NPAT: variants seen among roughly 807,000 people sequenced by gnomAD.
NPAT encodes the protein nuclear protein, coactivator of histone transcription, also known as protein NPAT.
A neutral mutation model predicts 130.7 loss-of-function variants in NPAT; 52 were observed. The observed-to-expected ratio is 0.40, with a 90% CI of 0.32 to 0.50. The LOEUF (loss-of-function observed/expected upper bound fraction) is 0.50, where lower values mean the gene tolerates loss of function less well. NPAT is among the 20% of genes least tolerant of loss of function. NPAT has a pLI of 0.68. For missense variants in NPAT, 1,687 were observed against 1,662.6 expected (o/e 1.01, Z -0.26); for synonymous variants, 580 against 584.8 (o/e 0.99, Z 0.12).
chr11:108,194,004 T>C lies in NPAT; in HGVS notation c.170A>G (p.Lys57Arg), dbSNP rs372699832. 278 of 1,548,352 alleles carry C rather than the reference T, an allele frequency of 1.8e-4. 1 individual carries two copies. The Admixed American group carries it at 4.3e-3, about 24-fold the overall frequency. The change falls in exon 3 of 18, where the codon AAA becomes AGA. Residue 57 changes from lysine to arginine, a missense_variant. Coordinates refer to ENST00000278612, the MANE Select transcript of NPAT (RefSeq NM_002519.3). ...CTCATTTAAAATTGTTGTCAAGTTT[T>C]TTCCAAATAAGGACTGAAAAGAAAA... ...IPACLLSLFGKNLTTILNEYV... is the reference protein window; with the variant it reads ...IPACLLSLFGRNLTTILNEYV...
Position 108,161,926 on chromosome 11 carries a change from G to C in NPAT, c.3160C>G (p.Pro1054Ala). Residue 1054 changes from proline to alanine, a missense_variant, in exon 17 of 18, where the codon CCA becomes GCA. Pro to Ala is a conservative substitution (Grantham distance 27, BLOSUM62 -1). Around this residue, in one of 3 missense-constraint regions of NPAT, gnomAD observed 1,379 missense variants for 1,346.6 expected, o/e 1.02. Transcript: ENST00000278612. ...TVPFPEESIV[P>A]AAKPCHRRVL... ...CGTCTGTGGCATGGTTTAGCAGCTG[G>C]AACTATACTCTCTTCTGGGAAGGGA... is the stretch of plus-strand genomic sequence containing the variant. 1 of 1,609,546 alleles carries C rather than the reference G, an allele frequency of 6.2e-7. No individual in the cohort carries two copies. Among genetic ancestry groups the C allele is most frequent in the Non-Finnish European group, 8.5e-7 (1 of 1,177,744 alleles).
At chr11:108,194,126 G>T in intron 2 of NPAT, 109 bp from the exon 3 acceptor site, 1 of 675,058 alleles carries the variant, frequency 1.5e-6, no homozygotes, top group Non-Finnish European at 2.7e-6. Flanking sequence ...CTGCAGAGTA[G>T]CGATGAGGAA....
Position 108,158,925 on chromosome 11 carries a change from T to C in NPAT, c.*17A>G. The C allele has an allele frequency of 2.7e-6, 4 of 1,491,926 alleles. No homozygotes were observed. Among genetic ancestry groups the C allele is most frequent in the Non-Finnish European group, 3.7e-6 (4 of 1,071,456 alleles). 92.4% of individuals were successfully genotyped at this position (1,491,926 alleles called of 1,614,324 possible). On this transcript the variant is annotated 3_prime_UTR_variant, in exon 18 of 18. Transcript: ENST00000278612. ...TATGAGTTTTTAACACCTACTGTTC[T>C]TATGTGTCCAGAATGTTTACTCATC...
rs867936260 is a variant in NPAT, at chr11:108,189,731, G to A, written c.332-401C>T. 6.3e-4 allele frequency among the ~76,000 whole-genome samples: 95 copies of A among 151,498 alleles called. 1 individual carries two copies. The highest frequency in any genetic ancestry group is 6.8e-3 in the Middle Eastern group (2 of 294). On this transcript the variant is annotated intron_variant, in intron 5 of 17. Transcript: ENST00000278612. Reference sequence around the variant, plus strand: ...TAAAAATACAAAAAATTAGCCGGGCGTGGTAGCGGGCGCCTGTAGTCCCAG... The same window carrying A: ...TAAAAATACAAAAAATTAGCCGGGCATGGTAGCGGGCGCCTGTAGTCCCAG...
At chr11:108,187,756 G>T (rs537941189) in intron 7 of NPAT, among the ~76,000 whole-genome samples, 1 of 151,454 alleles carries the variant, frequency 6.6e-6, no homozygotes, top group South Asian at 2.1e-4. Context: ...TTAAATGTGT[G>T]TGGAGCATAG....
chr11:108,172,291 G>A lies in NPAT; in HGVS notation c.2693C>T (p.Thr898Ile). 5 of 1,614,172 alleles carry A rather than the reference G, an allele frequency of 3.1e-6. No homozygotes were observed. In the South Asian group the frequency reaches 5.5e-5, roughly 18 times the overall value. ...TAACTGAGGTGGTAGAGGTTGAGCAGTCATAGGTGCAGAATTTCCAGGCAA... is the reference window on the plus strand; with the variant it reads ...TAACTGAGGTGGTAGAGGTTGAGCAATCATAGGTGCAGAATTTCCAGGCAA... ...VVLPGNSAPMTAQPLPPQLQT... is the reference protein window; with the variant it reads ...VVLPGNSAPMIAQPLPPQLQT... Residue 898 changes from threonine to isoleucine, a missense_variant, in exon 13 of 18, where the codon ACT becomes ATT. By Grantham distance (89) the Thr-to-Ile change is moderately conservative (BLOSUM62 -1). Transcript: ENST00000278612.
At chr11:108,185,009 T>C (rs12291829) in intron 10 of NPAT, among the ~76,000 whole-genome samples, 8,016 of 152,252 alleles carry the variant, frequency 0.053, 689 homozygotes, top group African/African-American at 0.18. Flanking sequence ...GTGGATGCAA[T>C]ATAGATTCTA....
intron 1 of NPAT, among the ~76,000 whole-genome samples, chr11:108,210,819 T>C (rs2078377288): frequency 6.6e-6 from 1 of 152,222 alleles, no homozygotes; most frequent in African/African-American, 2.4e-5. Context: ...AAACTCTTTT[T>C]GAAATAGTAG....
At chr11:108,165,653 C>T (rs200130891) in intron 15 of NPAT, among the ~76,000 whole-genome samples, 7 of 144,106 alleles carry the variant, frequency 4.9e-5, no homozygotes, top group South Asian at 2.2e-4. Flanking sequence ...TTTTTTGAGA[C>T]GGAGTCTCAC....
intron 7 of NPAT, 26 bp from the exon 8 acceptor site, chr11:108,186,595 T>C: frequency 6.5e-7 from 1 of 1,549,610 alleles, no homozygotes; most frequent in Non-Finnish European, 8.9e-7. Context: ...AAAGCTTTTC[T>C]TTTAACCACT....
At chr11:108,191,666 A>ATTT (rs2078170912) in intron 4 of NPAT, among the ~76,000 whole-genome samples, 1 of 152,246 alleles carries the variant, frequency 6.6e-6, no homozygotes, top group Non-Finnish European at 1.5e-5. Context: ...CTATAGTCAA[A>ATTT]TATGAGATTT....
chr11:108,188,032 T>C, intron 7 of NPAT, 66 bp downstream of exon 7: 1 of 1,094,388 alleles, frequency 9.1e-7, no homozygotes, highest in Non-Finnish European at 1.4e-6. Context: ...GTAAGTATCC[T>C]GATGTAATTC....
chr11:108,212,398 G>C (rs1342314940), intron 1 of NPAT, among the ~76,000 whole-genome samples: 1 of 151,300 alleles, frequency 6.6e-6, no homozygotes, highest in Non-Finnish European at 1.5e-5. Flanking sequence ...GGTGGTGCAT[G>C]CCTGTAATGC....
At chr11:108,209,618 G>A (rs915976605) in intron 1 of NPAT, among the ~76,000 whole-genome samples, 4 of 152,064 alleles carry the variant, frequency 2.6e-5, no homozygotes, top group African/African-American at 7.2e-5. Context: ...GGCCAGGCAC[G>A]GTGGCTCACG....
Position 108,158,543 on chromosome 11 carries a change from T to C in NPAT, c.*399A>G, listed in dbSNP as rs554409820. On this transcript the variant is annotated 3_prime_UTR_variant, in exon 18 of 18. Coordinates refer to ENST00000278612, the MANE Select transcript of NPAT (RefSeq NM_002519.3). Reference sequence around the variant, plus strand: ...TTTATAAGAATAAGCATCATTTTCCTCCAAAACAAGTGAGAAACTATTCCA... The same window carrying C: ...TTTATAAGAATAAGCATCATTTTCCCCCAAAACAAGTGAGAAACTATTCCA... The C allele has an allele frequency of 8.9e-4, 146 of 164,400 alleles. No homozygotes were observed. Among genetic ancestry groups the C allele is most frequent in the Non-Finnish European group, 3.3e-4 (25 of 75,464 alleles). 10.2% of individuals were successfully genotyped at this position (164,400 alleles called of 1,614,324 possible). A position where few individuals can be genotyped will look rare whatever the true frequency, so the allele number is the denominator to read the frequency against.
At chr11:108,219,000 C>G (rs1000553223) in intron 1 of NPAT, among the ~76,000 whole-genome samples, 1 of 152,138 alleles carries the variant, frequency 6.6e-6, no homozygotes. Context: ...GTGAATAGAA[C>G]CAGCAGCTCT....
chr11:108,194,101 TAA>T (rs1241654622), intron 2 of NPAT, 84 bp from the exon 3 acceptor site: 6 of 784,328 alleles, frequency 7.6e-6, no homozygotes, highest in Non-Finnish European at 8.8e-6. Flanking sequence ...CCATTCAACT[TAA>T]TAAAAGATCT....
chr11:108,188,092 A>G lies in NPAT; in HGVS notation c.638+6T>C, dbSNP rs367937020. 5.6e-6 allele frequency: 9 copies of G among 1,603,634 alleles called. No individual in the cohort carries two copies. The highest frequency in any genetic ancestry group is 7.7e-6 in the Non-Finnish European group (9 of 1,172,458). ...GGGTAACTTGTCTCTTTTAAAAAGC[A>G]TTTACCTTTTGCGTCTACCGGGAGA... is the stretch of plus-strand genomic sequence containing the variant. On this transcript the variant is annotated splice_donor_region_variant and intron_variant, in intron 7 of 17. Coordinates refer to ENST00000278612, the MANE Select transcript of NPAT (RefSeq NM_002519.3).
intron 15 of NPAT, among the ~76,000 whole-genome samples, chr11:108,164,463 TG>T (rs2134823944): frequency 6.6e-6 from 1 of 152,256 alleles, no homozygotes; most frequent in Non-Finnish European, 1.5e-5. Context: ...GTGGCTGATG[TG>T]GTGGCTTGTG....
Sources: gnomAD v4.1 joint callset for allele counts (sites outside exome capture counted in the v4.1 genomes callset) on GRCh38, gnomAD v4.1.1 for gene constraint, gnomAD v4.1.1 regional missense constraint, MANE v1.5 for transcripts, NCBI Gene and HGNC (gene_info 2026-07-23, HGNC 2026-07-21) for gene names.